The following CTNNA3 variants were observed in gnomAD, a reference collection of about 807,000 sequenced individuals.
CTNNA3 encodes the protein catenin alpha-3.
A neutral mutation model predicts 95.7 loss-of-function variants in CTNNA3; 76 were observed. The observed-to-expected ratio is 0.79, with a 90% CI of 0.66 to 0.96. The LOEUF (loss-of-function observed/expected upper bound fraction) is 0.96. CTNNA3 is among the 40% of genes least tolerant of loss of function. CTNNA3 has a pLI of 0.00. For missense variants in CTNNA3, 1,191 were observed against 1,089.8 expected (o/e 1.09, Z -1.31); for synonymous variants, 431 against 374.4 (o/e 1.15, Z -1.74).
chr10:67,558,945 G>A (rs967929093), intron 3 of CTNNA3, among the ~76,000 whole-genome samples: 6 of 152,280 alleles, frequency 3.9e-5, no homozygotes, highest in Admixed American at 1.3e-4. Flanking sequence ...AGGGGTGCCC[G>A]CCATTGCCCA....
chr10:67,158,543 A>C (rs1861404122), intron 7 of CTNNA3, among the ~76,000 whole-genome samples: 1 of 152,208 alleles, frequency 6.6e-6, no homozygotes, highest in African/African-American at 2.4e-5. Context: ...CTGTCTACAC[A>C]TAGATAATCA....
intron 5 of CTNNA3, among the ~76,000 whole-genome samples, chr10:67,301,923 C>G (rs953262995): frequency 1.3e-5 from 2 of 149,956 alleles, no homozygotes; most frequent in East Asian, 2.0e-4. Flanking sequence ...GAGCGGAGAT[C>G]GCGCCACTGC....
chr10:66,952,909 A>C (rs917634156), intron 7 of CTNNA3, among the ~76,000 whole-genome samples: 7 of 152,124 alleles, frequency 4.6e-5, no homozygotes, highest in African/African-American at 1.7e-4. Context: ...AAGCCAGCAC[A>C]GTAGTGTTAC....
intron 11 of CTNNA3, among the ~76,000 whole-genome samples, chr10:66,427,656 G>A (rs1416201522): frequency 6.6e-6 from 1 of 151,812 alleles, no homozygotes; most frequent in Non-Finnish European, 1.5e-5. Context: ...CAGCATATGA[G>A]TGATATCTGC....
intron 7 of CTNNA3, among the ~76,000 whole-genome samples, chr10:66,778,335 C>T (rs1026920354): frequency 2.0e-5 from 3 of 152,008 alleles, no homozygotes; most frequent in South Asian, 2.1e-4. Flanking sequence ...GCTTAAAGGC[C>T]CTCATTCCTT....
chr10:66,934,169 T>A (rs1847562968), intron 7 of CTNNA3, among the ~76,000 whole-genome samples: 1 of 152,014 alleles, frequency 6.6e-6, no homozygotes, highest in South Asian at 2.1e-4. Context: ...GCAATAATAA[T>A]CCATTTTATT....
intron 1 of CTNNA3, among the ~76,000 whole-genome samples, chr10:67,648,046 C>T (rs2133483553): frequency 6.6e-6 from 1 of 152,252 alleles, no homozygotes; most frequent in Admixed American, 6.5e-5. Flanking sequence ...AGGCAATTTA[C>T]CTTCTTGGAC....
At chr10:67,706,282 G>A (rs1371742879) in intron 1 of CTNNA3, among the ~76,000 whole-genome samples, 1 of 152,064 alleles carries the variant, frequency 6.6e-6, no homozygotes, top group Middle Eastern at 3.2e-3. Flanking sequence ...GAGCTTGTAA[G>A]CACATAGTTG....
intron 7 of CTNNA3, among the ~76,000 whole-genome samples, chr10:66,982,608 CAA>C (rs1286943101): frequency 6.6e-6 from 1 of 151,644 alleles, no homozygotes; most frequent in African/African-American, 2.4e-5. Context: ...TGAAATTAGA[CAA>C]AGACAATTGA....
At chr10:66,903,995 C>T (rs1315796951) in intron 7 of CTNNA3, among the ~76,000 whole-genome samples, 4 of 152,142 alleles carry the variant, frequency 2.6e-5, no homozygotes, top group Admixed American at 2.6e-4. Flanking sequence ...ACCAAGCTAC[C>T]AATGACTTTC....
intron 5 of CTNNA3, among the ~76,000 whole-genome samples, chr10:67,480,009 A>G (rs1417177006): frequency 6.6e-6 from 1 of 152,136 alleles, no homozygotes; most frequent in Non-Finnish European, 1.5e-5. Flanking sequence ...AAATTTCTGG[A>G]AACAACCTAC....
chr10:67,252,656 G>A lies in CTNNA3; in HGVS notation c.580-32786C>T, dbSNP rs1029271948. Among the ~76,000 whole-genome samples the A allele has an allele frequency of 2.0e-5, 3 of 152,078 alleles. No homozygotes were observed. The East Asian group carries it at 5.8e-4, about 29-fold the overall frequency. On this transcript the variant is annotated intron_variant, in intron 5 of 17. Transcript: ENST00000433211. ...ACATGAAGTGAGGTGAATTACATAG[G>A]CATTGTGACATACCGTTAGGCTACT...
At chr10:65,939,095 CG>C (rs2077388455) in intron 17 of CTNNA3, among the ~76,000 whole-genome samples, 1 of 151,830 alleles carries the variant, frequency 6.6e-6, no homozygotes, top group Admixed American at 6.6e-5. Context: ...GTAGTAGAGA[CG>C]GGGTTTCATC....
chr10:66,873,167 G>A (rs190786269), intron 7 of CTNNA3, among the ~76,000 whole-genome samples: 238 of 152,270 alleles, frequency 1.6e-3, no homozygotes, highest in African/African-American at 5.5e-3. Context: ...AGGAGTGCAC[G>A]TATGTTTTTG....
intron 7 of CTNNA3, among the ~76,000 whole-genome samples, chr10:66,828,339 A>T (rs369624135): frequency 2.0e-4 from 30 of 152,290 alleles, no homozygotes; most frequent in African/African-American, 7.2e-4. Flanking sequence ...TTTTCTGTGA[A>T]ATCTTTCCTA....
chr10:65,969,844 T>C (rs192688770), intron 16 of CTNNA3, among the ~76,000 whole-genome samples: 6 of 151,960 alleles, frequency 3.9e-5, no homozygotes, highest in Admixed American at 3.9e-4. Context: ...CTAGAAAAAA[T>C]ACTTGAAGTG....
At chr10:66,739,203 G>T (rs73322167) in intron 9 of CTNNA3, among the ~76,000 whole-genome samples, 1 of 152,112 alleles carries the variant, frequency 6.6e-6, no homozygotes, top group Non-Finnish European at 1.5e-5. Flanking sequence ...TAGAGCAATG[G>T]TTCTCAAACT....
intron 15 of CTNNA3, among the ~76,000 whole-genome samples, chr10:66,021,613 T>C (rs1397391530): frequency 6.6e-6 from 1 of 152,142 alleles, no homozygotes; most frequent in Non-Finnish European, 1.5e-5. Flanking sequence ...AAAGGAGAAC[T>C]CTAAATATGG....
intron 7 of CTNNA3, among the ~76,000 whole-genome samples, chr10:66,904,538 C>A (rs1449134054): frequency 6.6e-6 from 1 of 152,038 alleles, no homozygotes; most frequent in Non-Finnish European, 1.5e-5. Context: ...AAACTAATGA[C>A]CTTCTGCACA....
Sources: allele counts gnomAD v4.1 joint callset (sites outside exome capture counted in the v4.1 genomes callset), GRCh38; gene constraint gnomAD v4.1.1; transcripts MANE v1.5; gene names NCBI Gene and HGNC (gene_info 2026-07-23, HGNC 2026-07-21).